Variants in DNAH9 observed in about 807,000 individuals in gnomAD.
DNAH9 encodes dynein axonemal heavy chain 9.
A neutral mutation model predicts 471.6 loss-of-function variants in DNAH9; 345 were observed. The observed-to-expected ratio is 0.73, with a 90% CI of 0.67 to 0.80. The LOEUF (loss-of-function observed/expected upper bound fraction) is 0.80, where lower values mean the gene tolerates loss of function less well. Ranked by LOEUF, DNAH9 falls within the 30% of genes least tolerant of loss-of-function variation. DNAH9 has a pLI of 0.00. For synonymous variants in DNAH9, 2,093 were observed against 2,123.6 expected (o/e 0.99, Z 0.40); for missense variants, 5,407 against 5,609.2 (o/e 0.96, Z 1.15).
chr17:11,938,478 G>T (rs1039197039), intron 66 of DNAH9, among the ~76,000 whole-genome samples: 1 of 142,556 alleles, frequency 7.0e-6, no homozygotes, highest in Non-Finnish European at 1.5e-5. Flanking sequence ...AACAAAAAAA[G>T]AATGGGCCAC....
At chr17:11,629,687 T>C (rs2073031876) in intron 7 of DNAH9, 103 bp downstream of exon 7, 2 of 1,038,348 alleles carry the variant, frequency 1.9e-6, no homozygotes, top group East Asian at 2.4e-5. Context: ...GTATTTCCTT[T>C]GGCTCTGTGG....
At chr17:11,859,755 T>A (rs1258531117) in intron 50 of DNAH9, among the ~76,000 whole-genome samples, 1 of 152,150 alleles carries the variant, frequency 6.6e-6, no homozygotes, top group African/African-American at 2.4e-5. Flanking sequence ...TCCCACACTC[T>A]TTTAAACAAC....
In DNAH9 at chr17:11,822,579, C is replaced by A; in HGVS notation, c.8992C>A (p.Gln2998Lys). 1 of 1,614,136 alleles carries A rather than the reference C, an allele frequency of 6.2e-7. No individual in the cohort carries two copies. Among genetic ancestry groups the A allele is most frequent in the Non-Finnish European group, 8.5e-7 (1 of 1,180,028 alleles). The change falls in exon 47 of 69, where the codon CAG becomes AAG. Residue 2998 changes from glutamine (Q) to lysine (K), a missense_variant. This residue lies in a region of DNAH9 where 4,636 missense variants were observed against 4,900.3 expected (regional missense o/e 0.95). Transcript: ENST00000262442. ...ALESVSLRFL[Q>K]NTEGIEPTVK... ...GGAGTCTGTCAGCCTCCGCTTCTTGCAGAACACAGAGGGCATTGAGGTGAG... is the reference window on the plus strand; with the variant it reads ...GGAGTCTGTCAGCCTCCGCTTCTTGAAGAACACAGAGGGCATTGAGGTGAG...
intron 62 of DNAH9, chr17:11,925,500 C>T (rs1171856640): frequency 3.9e-6 from 1 of 255,242 alleles, no homozygotes; most frequent in East Asian, 1.1e-4. Flanking sequence ...TGAGTTTCCT[C>T]CTTCCTCCCT....
Position 11,937,248 on chromosome 17 carries a change from A to G in DNAH9, c.12490-104A>G. 7.3e-7 allele frequency: 1 copy of G among 1,371,432 alleles called. No homozygotes were observed. The highest frequency in any genetic ancestry group is 9.9e-7 in the Non-Finnish European group (1 of 1,010,704). 85.0% of individuals were successfully genotyped at this position (1,371,432 alleles called of 1,614,324 possible). A position where few individuals can be genotyped will look rare whatever the true frequency, so the allele number is the denominator to read the frequency against. ...AGGGATGGTGAGCAGTGTCCCCTGG[A>G]GGAGGGATACTAGCCCATGGACTCC... is the stretch of plus-strand genomic sequence containing the variant. On this transcript the variant is annotated intron_variant, in intron 65 of 68. Transcript: ENST00000262442. This position sits in a 1 kb window ranked among gnomAD's most constrained non-coding sequence, Gnocchi z 4.1.
At chr17:11,934,509 T>A (rs944386301) in intron 65 of DNAH9, among the ~76,000 whole-genome samples, 4 of 140,278 alleles carry the variant, frequency 2.9e-5, no homozygotes, top group African/African-American at 1.0e-4. Context: ...GCAGTGGCGC[T>A]ATCTCTGCTC....
chr17:11,752,571 G>T (rs183582944), intron 32 of DNAH9, among the ~76,000 whole-genome samples: 3 of 152,264 alleles, frequency 2.0e-5, no homozygotes, highest in Non-Finnish European at 1.5e-5. Context: ...GGAGGCTGAG[G>T]CAGGACAATC....
chr17:11,948,403 G>GT lies in DNAH9; in HGVS notation c.12843+5924dup, dbSNP rs1975225518. ...GCCACCGTGCCCGGCTAATTTTTGT[G>GT]TTTTTTACTAGAGATGAGGTTTCAC... On this transcript the variant is annotated intron_variant, in intron 67 of 68. Coordinates refer to ENST00000262442, the MANE Select transcript of DNAH9 (RefSeq NM_001372.4). Among the ~76,000 whole-genome samples, 4 of 151,194 alleles carry GT rather than the reference G, an allele frequency of 2.6e-5. No individual in the cohort carries two copies. In the South Asian group the frequency reaches 6.3e-4, roughly 24 times the overall value.
intron 32 of DNAH9, among the ~76,000 whole-genome samples, chr17:11,751,121 A>T (rs952466511): frequency 7.2e-5 from 11 of 152,130 alleles, no homozygotes; most frequent in Admixed American, 7.2e-4. Context: ...AAAAGAAATA[A>T]ATCAACCCCT....
intron 19 of DNAH9, among the ~76,000 whole-genome samples, 186 bp from the exon 20 acceptor site, chr17:11,689,379 TC>T (rs113663359): frequency 1.4e-5 from 2 of 142,082 alleles, no homozygotes; most frequent in East Asian, 2.1e-4. Context: ...TTTTTTTTTT[TC>T]CCAAAAGAAA....
intron 14 of DNAH9, among the ~76,000 whole-genome samples, chr17:11,662,748 T>C (rs2073792774): frequency 8.1e-5 from 1 of 12,288 alleles, no homozygotes; most frequent in Non-Finnish European, 3.0e-4. Flanking sequence ...TGAGGCTCGC[T>C]TTTTTTTTTT....
In DNAH9 at chr17:11,904,630, C is replaced by CAAAAAAAA. The variant is rs202059757; in HGVS notation, c.11601-1011_11601-1004dup. Among the ~76,000 whole-genome samples, 263 of 111,408 alleles carry CAAAAAAAA rather than the reference C, an allele frequency of 2.4e-3. 3 individuals are homozygous for CAAAAAAAA. The highest frequency in any genetic ancestry group is 3.8e-3 in the East Asian group (12 of 3,180). 73.1% of individuals were successfully genotyped at this position (111,408 alleles called of 152,430 possible). On this transcript the variant is annotated intron_variant, in intron 60 of 68. Transcript: ENST00000262442. ...TGGGCGACAGAGTGAGACTCCATCT[C>CAAAAAAAA]AAAAAAAAAAAAAAAAAAAAAAAAA... is the stretch of plus-strand genomic sequence containing the variant.
At chr17:11,859,530 G>A (rs1280652963) in intron 50 of DNAH9, among the ~76,000 whole-genome samples, 2 of 152,050 alleles carry the variant, frequency 1.3e-5, no homozygotes, top group African/African-American at 4.8e-5. Context: ...CTTTCAAGAT[G>A]TGTTAGTCTA....
At position 11,932,226 on chromosome 17, in the gene DNAH9, G is replaced by A; in HGVS notation, c.12297+21G>A. 1.2e-6 allele frequency: 2 copies of A among 1,607,310 alleles called. No homozygotes were observed. Among genetic ancestry groups the A allele is most frequent in the African/African-American group, 1.3e-5 (1 of 74,820 alleles). ...CAAAGGTAAAGGCCATGGACATTCA[G>A]GGACCAGCCAGGTTGGGAGAGGGTT... On this transcript the variant is annotated intron_variant, in intron 64 of 68. Coordinates refer to ENST00000262442, the MANE Select transcript of DNAH9 (RefSeq NM_001372.4). This position sits in a 1 kb window ranked among gnomAD's most constrained non-coding sequence, Gnocchi z 4.3.
chr17:11,617,100 G>C (rs754888164), intron 4 of DNAH9, among the ~76,000 whole-genome samples: 1 of 152,132 alleles, frequency 6.6e-6, no homozygotes, highest in African/African-American at 2.4e-5. Context: ...TCTAAAACTT[G>C]TATTGTCTCA....
At chr17:11,820,402 A>G (rs1970265815) in intron 45 of DNAH9, among the ~76,000 whole-genome samples, 1 of 149,086 alleles carries the variant, frequency 6.7e-6, no homozygotes, top group African/African-American at 2.6e-5. Context: ...ATTTTTGCCA[A>G]TCTGATAAAA....
intron 16 of DNAH9, 34 bp from the exon 17 acceptor site, chr17:11,669,336 G>T (rs767346341): frequency 6.2e-7 from 1 of 1,600,820 alleles, no homozygotes; most frequent in South Asian, 1.1e-5. Context: ...CCACACACTG[G>T]TGTAACCTGC....
chr17:11,844,489 T>A (rs1189661474), intron 49 of DNAH9, among the ~76,000 whole-genome samples: 49 of 152,176 alleles, frequency 3.2e-4, no homozygotes, highest in Admixed American at 3.2e-3. Flanking sequence ...CACTGCAACT[T>A]CCACCTCCTG....
In DNAH9 at chr17:11,937,699, A is replaced by G. The variant is rs893297342; in HGVS notation, c.12660+177A>G. ...CGCCAAGAGCCTCTCCCCTCCCGTC[A>G]TCACCATGCTGGCCATCAGTTAAAT... On this transcript the variant is annotated intron_variant, in intron 66 of 68. Transcript: ENST00000262442. The surrounding 1 kb of genome is among the most constrained non-coding windows in gnomAD (Gnocchi z 4.1). Among the ~76,000 whole-genome samples the G allele has an allele frequency of 1.3e-5, 2 of 152,216 alleles. No homozygotes were observed.
Sources: allele counts gnomAD v4.1 joint callset (sites outside exome capture counted in the v4.1 genomes callset), GRCh38; gene constraint gnomAD v4.1.1; regional missense constraint gnomAD v4.1.1; non-coding constraint Gnocchi (gnomAD v3.1); transcripts MANE v1.5; gene names NCBI Gene and HGNC (gene_info 2026-07-23, HGNC 2026-07-21).